The following KCNJ3 variants were observed in gnomAD, a reference collection of about 807,000 sequenced individuals.
KCNJ3 encodes G protein-activated inward rectifier potassium channel 1.
Under a neutral mutation model 39.2 loss-of-function variants are expected in KCNJ3, and 4 were observed. The observed-to-expected ratio is 0.10, with a 90% CI of 0.05 to 0.23. The LOEUF is 0.23. Among genes scored for constraint, KCNJ3 ranks in the 10% least tolerant of loss-of-function variants. The probability of loss-of-function intolerance (pLI) is 1.00; values close to 1 mark genes in which losing one functional copy is unlikely to be tolerated. For missense variants in KCNJ3, 276 were observed against 634.9 expected (o/e 0.43, Z 6.08); for synonymous variants, 230 against 237.4 (o/e 0.97, Z 0.29).
At chr2:154,808,435 C>T (rs1175124647) in intron 2 of KCNJ3, among the ~76,000 whole-genome samples, 1 of 152,030 alleles carries the variant, frequency 6.6e-6, no homozygotes, top group African/African-American at 2.4e-5. Flanking sequence ...TCCTACCTTG[C>T]CTCATGTGGG....
At chr2:154,837,044 C>T (rs1461649229) in intron 2 of KCNJ3, among the ~76,000 whole-genome samples, 2 of 151,976 alleles carry the variant, frequency 1.3e-5, no homozygotes, top group East Asian at 3.9e-4. Flanking sequence ...GAAATTTCAC[C>T]AAAACTTTAG....
At chr2:154,849,739 A>G (rs901304113) in intron 2 of KCNJ3, among the ~76,000 whole-genome samples, 3 of 152,188 alleles carry the variant, frequency 2.0e-5, no homozygotes, top group African/African-American at 7.2e-5. Flanking sequence ...TTAATTAAGG[A>G]CTTGTCAAAT....
In KCNJ3 at chr2:154,699,384, C is replaced by T; in HGVS notation, c.609C>T (p.Ser203=). The change falls in exon 1 of 3, where the codon TCC becomes TCT. Residue 203 remains serine (S), a synonymous_variant. Transcript: ENST00000295101. This position sits in a 1 kb window ranked among gnomAD's most constrained non-coding sequence, Gnocchi z 6.4. ...TLMFSEHAVI[S]MRDGKLTLMF... ...TGTTCAGCGAGCACGCGGTGATCTC[C>T]ATGAGGGACGGAAAACTCACGCTTA... 1 of 1,610,638 alleles carries T rather than the reference C, an allele frequency of 6.2e-7. No individual in the cohort carries two copies. Among genetic ancestry groups the T allele is most frequent in the Non-Finnish European group, 8.5e-7 (1 of 1,179,994 alleles).
intron 2 of KCNJ3, among the ~76,000 whole-genome samples, chr2:154,747,126 AT>A (rs1428552985): frequency 1.3e-5 from 2 of 151,892 alleles, no homozygotes; most frequent in Non-Finnish European, 2.9e-5. Context: ...GAAGTGAATT[AT>A]TTTCAGTTCA....
intron 2 of KCNJ3, among the ~76,000 whole-genome samples, chr2:154,802,945 A>G (rs191788609): frequency 3.3e-5 from 5 of 152,180 alleles, no homozygotes; most frequent in Non-Finnish European, 5.9e-5. Flanking sequence ...TAACCTACCC[A>G]CTTTCTAACA....
intron 2 of KCNJ3, among the ~76,000 whole-genome samples, chr2:154,851,066 G>A (rs1188011457): frequency 2.0e-5 from 3 of 151,826 alleles, no homozygotes; most frequent in African/African-American, 7.3e-5. Flanking sequence ...CCTTTTGTGA[G>A]ACCCCATCTC....
At chr2:154,769,721 C>T (rs1202830163) in intron 2 of KCNJ3, among the ~76,000 whole-genome samples, 1 of 151,918 alleles carries the variant, frequency 6.6e-6, no homozygotes, top group African/African-American at 2.4e-5. Context: ...AGGGAGGATT[C>T]CCTCTTTTTC....
intron 2 of KCNJ3, among the ~76,000 whole-genome samples, chr2:154,825,358 G>A (rs1404848742): frequency 4.6e-5 from 7 of 152,100 alleles, no homozygotes; most frequent in Admixed American, 1.3e-4. Context: ...AGGTCCACGA[G>A]TGGGAATCTA....
intron 2 of KCNJ3, among the ~76,000 whole-genome samples, chr2:154,814,362 G>T (rs1687047197): frequency 1.3e-5 from 2 of 152,162 alleles, no homozygotes; most frequent in Non-Finnish European, 1.5e-5. Flanking sequence ...TTTTGGCTGG[G>T]TGCAGTGGCT....
intron 1 of KCNJ3, among the ~76,000 whole-genome samples, chr2:154,705,451 C>A (rs551190586): frequency 5.3e-5 from 8 of 152,096 alleles, no homozygotes; most frequent in Non-Finnish European, 1.2e-4. Flanking sequence ...CTTCTAGGCA[C>A]CTGTGACTTT....
intron 2 of KCNJ3, among the ~76,000 whole-genome samples, chr2:154,788,453 G>A (rs988892257): frequency 2.6e-5 from 4 of 152,020 alleles, no homozygotes; most frequent in Admixed American, 6.6e-5. Context: ...TGTGAAAAAT[G>A]GTGGTCTTTT....
chr2:154,774,392 G>A (rs78441462), intron 2 of KCNJ3, among the ~76,000 whole-genome samples: 1 of 50,690 alleles, frequency 2.0e-5, no homozygotes, highest in African/African-American at 8.8e-5. Flanking sequence ...ATTGCTTCAA[G>A]TGTTTTAATG....
intron 2 of KCNJ3, among the ~76,000 whole-genome samples, chr2:154,824,946 A>AAAT (rs1687243333): frequency 6.6e-6 from 1 of 152,198 alleles, no homozygotes; most frequent in Non-Finnish European, 1.5e-5. Context: ...CTTTATGGGA[A>AAAT]AATATTATGT....
At chr2:154,707,485 G>C (rs1166491012) in intron 1 of KCNJ3, among the ~76,000 whole-genome samples, 1 of 151,976 alleles carries the variant, frequency 6.6e-6, no homozygotes. Context: ...AATGATTAGG[G>C]AATACAAAAT....
At position 154,789,868 on chromosome 2, in the gene KCNJ3, G is replaced by A. The variant is rs141032163; in HGVS notation, c.920-64859G>A. ...GGTGCAATGGGGAGAATAAGGATTT[G>A]CAACAAAGAGAATTTGAGGCAAAAT... is the stretch of plus-strand genomic sequence containing the variant. On this transcript the variant is annotated intron_variant, in intron 2 of 2. Coordinates refer to ENST00000295101, the MANE Select transcript of KCNJ3 (RefSeq NM_002239.4). Among the ~76,000 whole-genome samples, 1,238 of 152,082 alleles carry A rather than the reference G, an allele frequency of 8.1e-3. 23 individuals are homozygous for A. The highest frequency in any genetic ancestry group is 0.028 in the African/African-American group (1,164 of 41,494).
intron 2 of KCNJ3, among the ~76,000 whole-genome samples, chr2:154,743,125 C>T (rs1685681652): frequency 6.6e-6 from 1 of 151,796 alleles, no homozygotes; most frequent in East Asian, 1.9e-4. Flanking sequence ...CAAAGACTGT[C>T]CTTTCCCTCA....
rs1446111201 is a variant in KCNJ3, at chr2:154,764,421, T to C, written c.919+54602T>C. 2.6e-5 allele frequency among the ~76,000 whole-genome samples: 4 copies of C among 152,200 alleles called. No individual in the cohort carries two copies. The East Asian group carries it at 7.7e-4, about 29-fold the overall frequency. On this transcript the variant is annotated intron_variant, in intron 2 of 2. Transcript: ENST00000295101. ...ACAACTTGCCTTCCATCCTGTATCA[T>C]ATTTCACAGAAGAAAATGTTGAATA...
Position 154,856,723 on chromosome 2 carries a change from C to G in KCNJ3, c.*1410C>G, listed in dbSNP as rs1482282728. On this transcript the variant is annotated 3_prime_UTR_variant, in exon 3 of 3. Coordinates refer to ENST00000295101, the MANE Select transcript of KCNJ3 (RefSeq NM_002239.4). Reference sequence around the variant, plus strand: ...AATAATTTTAACAGTACTGTTTTTTCTAATCCTGAAGTCTGATATTTATGA... The same window carrying G: ...AATAATTTTAACAGTACTGTTTTTTGTAATCCTGAAGTCTGATATTTATGA... 1 of 152,000 alleles carries G rather than the reference C, an allele frequency of 6.6e-6. No homozygotes were observed. Among genetic ancestry groups the G allele is most frequent in the Non-Finnish European group, 1.5e-5 (1 of 67,982 alleles). The allele number at this position is 152,000 out of a possible 1,614,324, so 9.4% of individuals were successfully genotyped here. A position where few individuals can be genotyped will look rare whatever the true frequency, so the allele number is the denominator to read the frequency against.
chr2:154,725,856 G>A (rs571728957), intron 2 of KCNJ3, among the ~76,000 whole-genome samples: 263 of 152,122 alleles, frequency 1.7e-3, no homozygotes, highest in Non-Finnish European at 3.0e-3. Flanking sequence ...ACATAAATTG[G>A]GGAACGGACA....
Sources: allele counts gnomAD v4.1 joint callset (sites outside exome capture counted in the v4.1 genomes callset), GRCh38; gene constraint gnomAD v4.1.1; non-coding constraint Gnocchi (gnomAD v3.1); transcripts MANE v1.5; gene names NCBI Gene and HGNC (gene_info 2026-07-23, HGNC 2026-07-21).